LDLRAD4: variants seen among roughly 807,000 people sequenced by gnomAD.
LDLRAD4 encodes the protein low-density lipoprotein receptor class A domain-containing protein 4.
Under a neutral mutation model 17.0 loss-of-function variants are expected in LDLRAD4, and 5 were observed. That is an observed-to-expected ratio of 0.29 (90% CI 0.15 to 0.62). LDLRAD4 has a LOEUF of 0.62. Ranked by LOEUF, LDLRAD4 falls within the 20% of genes least tolerant of loss-of-function variation. The pLI is 0.84. For synonymous variants in LDLRAD4, 168 were observed against 171.8 expected, an observed-to-expected ratio of 0.98 and a Z score of 0.17; for missense variants, 340 against 424.7, an observed-to-expected ratio of 0.80 and a Z score of 1.75.
intron 2 of LDLRAD4, 119 bp downstream of exon 3, chr18:13,387,881 A>G: frequency 1.2e-6 from 1 of 828,056 alleles, no homozygotes. Context: ...CAACGCAGTC[A>G]AGGGCTCAGG....
intron 3 of LDLRAD4, among the ~76,000 whole-genome samples, chr18:13,566,528 G>T (rs931747047): frequency 5.9e-5 from 9 of 151,978 alleles, no homozygotes; most frequent in African/African-American, 2.2e-4. Context: ...ACGCCCGGCT[G>T]ATCTTTGTAT....
At chr18:13,652,474 T>TAATC (rs1416137450) in exon 6 of LDLRAD4, 1 of 152,652 alleles carries the variant, frequency 6.6e-6, no homozygotes, top group African/African-American at 2.4e-5. Context: ...TGAGCTATGA[T>TAATC]AATCAAAAGT....
chr18:13,231,015 G>A (rs962619876), intron 1 of LDLRAD4, among the ~76,000 whole-genome samples: 9 of 152,206 alleles, frequency 5.9e-5, no homozygotes, highest in African/African-American at 2.2e-4. Context: ...CCCTTTTAGG[G>A]CCCACATGCA....
At chr18:13,629,762 G>A (rs1369083632) in intron 4 of LDLRAD4, among the ~76,000 whole-genome samples, 3 of 151,612 alleles carry the variant, frequency 2.0e-5, no homozygotes, top group African/African-American at 4.8e-5. Context: ...CTTGAAAGTT[G>A]GTGTGGTTTG....
intron 4 of LDLRAD4, among the ~76,000 whole-genome samples, chr18:13,627,390 G>A (rs887850402): frequency 5.3e-5 from 8 of 152,238 alleles, no homozygotes; most frequent in African/African-American, 1.7e-4. Context: ...GCCATGGAGT[G>A]GGCCTGTGCT....
chr18:13,334,324 A>T (rs1298874231), intron 1 of LDLRAD4, among the ~76,000 whole-genome samples: 1 of 151,788 alleles, frequency 6.6e-6, no homozygotes, highest in East Asian at 1.9e-4. Context: ...CACAACCTCC[A>T]CCTCCTGGGT....
chr18:13,528,131 C>T (rs2147774370), intron 3 of LDLRAD4, among the ~76,000 whole-genome samples: 1 of 152,318 alleles, frequency 6.6e-6, no homozygotes, highest in South Asian at 2.1e-4. Flanking sequence ...GGCTTTCCTA[C>T]AGCAGCCTGG....
intron 1 of LDLRAD4, among the ~76,000 whole-genome samples, chr18:13,282,106 T>C (rs1169656490): frequency 6.6e-6 from 1 of 152,134 alleles, no homozygotes; most frequent in Non-Finnish European, 1.5e-5. Flanking sequence ...GAGAATAGTA[T>C]GGGAAAGACT....
chr18:13,231,107 G>T (rs1202617786), intron 1 of LDLRAD4, among the ~76,000 whole-genome samples: 2 of 152,192 alleles, frequency 1.3e-5, no homozygotes, highest in Non-Finnish European at 2.9e-5. Flanking sequence ...ATGAGTGAAG[G>T]TTCTTTCCCT....
At chr18:13,372,546 G>T (rs2084594154) in intron 1 of LDLRAD4, among the ~76,000 whole-genome samples, 1 of 152,204 alleles carries the variant, frequency 6.6e-6, no homozygotes, top group Non-Finnish European at 1.5e-5. Flanking sequence ...GGTGGCAGCT[G>T]TACAGAGCTG....
chr18:13,408,203 G>A (rs149551584), intron 2 of LDLRAD4, among the ~76,000 whole-genome samples: 4 of 151,946 alleles, frequency 2.6e-5, no homozygotes, highest in East Asian at 3.9e-4. Flanking sequence ...GCGAAACCCC[G>A]TCTCTACAAA....
At chr18:13,466,721 G>C (rs1450619860) in intron 3 of LDLRAD4, among the ~76,000 whole-genome samples, 1 of 152,158 alleles carries the variant, frequency 6.6e-6, no homozygotes, top group Non-Finnish European at 1.5e-5. Context: ...AACAACAGAG[G>C]TTTATTTCTC....
intron 1 of LDLRAD4, among the ~76,000 whole-genome samples, chr18:13,271,159 A>G (rs760376360): frequency 3.7e-4 from 57 of 152,356 alleles, no homozygotes; most frequent in Admixed American, 8.5e-4. Context: ...ATGCTGGGAA[A>G]TAGGGTGTCA....
intron 3 of LDLRAD4, among the ~76,000 whole-genome samples, chr18:13,555,921 T>C (rs1394733387): frequency 6.6e-6 from 1 of 152,152 alleles, no homozygotes; most frequent in East Asian, 1.9e-4. Context: ...TTTAATAGCT[T>C]CATTGGTGTC....
At chr18:13,348,661 C>T (rs1003146742) in intron 1 of LDLRAD4, among the ~76,000 whole-genome samples, 14 of 152,166 alleles carry the variant, frequency 9.2e-5, no homozygotes, top group Non-Finnish European at 4.4e-5. Context: ...CTATGCCCTG[C>T]CCCCAGAGGT....
At chr18:13,245,328 G>A (rs1257174864) in intron 1 of LDLRAD4, among the ~76,000 whole-genome samples, 2 of 152,310 alleles carry the variant, frequency 1.3e-5, no homozygotes, top group African/African-American at 2.4e-5. Flanking sequence ...GCCGTGTGTA[G>A]TCTTGTGTTG....
At chr18:13,486,542 G>A (rs1216456754) in intron 3 of LDLRAD4, 1 of 152,320 alleles carries the variant, frequency 6.6e-6, no homozygotes, top group Non-Finnish European at 1.5e-5. Context: ...GTCAGCGGAA[G>A]GAGTGCCAGT....
intron 1 of LDLRAD4, among the ~76,000 whole-genome samples, chr18:13,220,464 A>G (rs1471001545): frequency 2.0e-5 from 3 of 152,222 alleles, no homozygotes; most frequent in Non-Finnish European, 4.4e-5. Context: ...TTGCAAGACC[A>G]CAATCCTGCA....
chr18:13,619,943 C>A (rs1272527301), intron 3 of LDLRAD4, among the ~76,000 whole-genome samples: 1 of 151,966 alleles, frequency 6.6e-6, no homozygotes, highest in East Asian at 1.9e-4. Context: ...CCCCAGTGTC[C>A]CACTGCCCTC....
Sources: gnomAD v4.1 joint callset for allele counts (sites outside exome capture counted in the v4.1 genomes callset) on GRCh38, gnomAD v4.1.1 for gene constraint, MANE v1.5 for transcripts, NCBI Gene and HGNC (gene_info 2026-07-23, HGNC 2026-07-21) for gene names.